The following ANKRD18A variants were observed in gnomAD, a reference collection of about 807,000 sequenced individuals.
ANKRD18A encodes the protein ankyrin repeat domain-containing protein 18A.
Under a neutral mutation model 110.6 loss-of-function variants are expected in ANKRD18A, and 72 were observed. The observed-to-expected ratio is 0.65, with a 90% confidence interval of 0.54 to 0.79. ANKRD18A has a LOEUF of 0.79. Among genes scored for constraint, ANKRD18A ranks in the 30% least tolerant of loss-of-function variants. The pLI is 0.00. For missense variants in ANKRD18A, 934 were observed against 1,163.3 expected (o/e 0.80, Z 2.87); for synonymous variants, 305 against 410.3 (o/e 0.74, Z 3.10).
In ANKRD18A at chr9:38,596,341, G is replaced by A; in HGVS notation, c.999C>T (p.Asp333=). 1 of 1,491,252 alleles carries A rather than the reference G, an allele frequency of 6.7e-7. No homozygotes were observed. Among genetic ancestry groups the A allele is most frequent in the Non-Finnish European group, 8.9e-7 (1 of 1,122,066 alleles). The allele number at this position is 1,491,252 out of a possible 1,614,324, so 92.4% of individuals were successfully genotyped here. Reference sequence around the variant, plus strand: ...ATAATTCCTCTTTGAGCATGGCAATGTCTTTCTTCAACATAAAATTTCCAT... The same window carrying A: ...ATAATTCCTCTTTGAGCATGGCAATATCTTTCTTCAACATAAAATTTCCAT... The part of the protein sequence containing the change: ...AMYGNFMLKK[D]IAMLKEELYA... The change falls in exon 9 of 16, where the codon GAC becomes GAT. Residue 333 remains aspartate (D), a synonymous_variant. Coordinates refer to ENST00000399703, the MANE Select transcript of ANKRD18A (RefSeq NM_147195.4).
At chr9:38,585,296 T>C (rs902706138) in intron 12 of ANKRD18A, among the ~76,000 whole-genome samples, 8 of 152,200 alleles carry the variant, frequency 5.3e-5, no homozygotes, top group South Asian at 4.1e-4. Context: ...TTATACCTAT[T>C]TCCAGTTTTA....
chr9:38,579,276 C>A (rs1824046238), intron 12 of ANKRD18A, among the ~76,000 whole-genome samples: 1 of 152,138 alleles, frequency 6.6e-6, no homozygotes, highest in Admixed American at 6.5e-5. Context: ...GGACATTAGT[C>A]TGCACAAAGA....
In ANKRD18A at chr9:38,580,831, C is replaced by A. The variant is rs532187276; in HGVS notation, c.2248-2683G>T. Among the ~76,000 whole-genome samples the A allele has an allele frequency of 6.3e-3, 954 of 150,758 alleles. 11 individuals are homozygous for A. The highest frequency in any genetic ancestry group is 0.022 in the African/African-American group (888 of 40,948). ...TGAATAGAATGCAGTAAAAGGGATACCATGTAGCTTCCCTATCTCAGACTG... is the reference window on the plus strand; with the variant it reads ...TGAATAGAATGCAGTAAAAGGGATAACATGTAGCTTCCCTATCTCAGACTG... On this transcript the variant is annotated intron_variant, in intron 12 of 15. Transcript: ENST00000399703.
intron 10 of ANKRD18A, among the ~76,000 whole-genome samples, chr9:38,593,548 A>G (rs1824746095): frequency 6.6e-6 from 1 of 152,226 alleles, no homozygotes; most frequent in South Asian, 2.1e-4. Flanking sequence ...CCAAGTGTAG[A>G]TATTATAAGA....
At chr9:38,575,395 G>C in intron 15 of ANKRD18A, 81 bp downstream of exon 15, 2 of 1,362,046 alleles carry the variant, frequency 1.5e-6, no homozygotes, top group Non-Finnish European at 9.9e-7. Context: ...TAAGTCAACA[G>C]AACTCAGTAT....
intron 3 of ANKRD18A, among the ~76,000 whole-genome samples, chr9:38,613,596 T>C (rs10115955): frequency 0.039 from 5,958 of 152,296 alleles, 364 homozygotes; most frequent in African/African-American, 0.13. Flanking sequence ...TTTTCCCAGA[T>C]TGTTCACCAA....
intron 3 of ANKRD18A, among the ~76,000 whole-genome samples, chr9:38,611,772 C>T (rs1002423939): frequency 1.3e-5 from 2 of 152,132 alleles, no homozygotes; most frequent in Non-Finnish European, 2.9e-5. Context: ...AACTATATTT[C>T]AAAGAGTAGT....
At chr9:38,574,056 T>A (rs1180860942) in intron 15 of ANKRD18A, among the ~76,000 whole-genome samples, 1 of 152,204 alleles carries the variant, frequency 6.6e-6, no homozygotes, top group Non-Finnish European at 1.5e-5. Context: ...CCTGGCCCAC[T>A]CTGTCCCTCC....
rs184392153 is a variant in ANKRD18A at position 38,600,536 on chromosome 9, T to C, written c.936+595A>G. Among the ~76,000 whole-genome samples, 1,246 of 152,312 alleles carry C rather than the reference T, an allele frequency of 8.2e-3. 14 individuals are homozygous for C. Among genetic ancestry groups the C allele is most frequent in the South Asian group, 0.043 (208 of 4,826 alleles). ...AAATTTTAATAGCATTTTCTACTTA[T>C]GTTAAAACAAGAAAGTTATTGTTTG... is the stretch of plus-strand genomic sequence containing the variant. On this transcript the variant is annotated intron_variant, in intron 8 of 15. Transcript: ENST00000399703.
At chr9:38,612,604 A>G (rs1587543148) in intron 3 of ANKRD18A, among the ~76,000 whole-genome samples, 1 of 145,904 alleles carries the variant, frequency 6.9e-6, no homozygotes, top group Admixed American at 7.3e-5. Context: ...TGCAAGCTCC[A>G]CCTCCCGAGT....
At chr9:38,566,845 G>T (rs1823496064), downstream of ANKRD18A, 1 of 152,216 alleles carries the variant, frequency 6.6e-6, no homozygotes, top group African/African-American at 2.4e-5. Context: ...GTCATGAGAA[G>T]TCACTCATGA....
intron 3 of ANKRD18A, among the ~76,000 whole-genome samples, chr9:38,611,577 C>T (rs1825624086): frequency 6.6e-6 from 1 of 152,206 alleles, no homozygotes; most frequent in South Asian, 2.1e-4. Context: ...TTGCTTCTAT[C>T]TCAGCATTTA....
At chr9:38,607,929 G>T (rs1825431389) in intron 5 of ANKRD18A, among the ~76,000 whole-genome samples, 1 of 152,180 alleles carries the variant, frequency 6.6e-6, no homozygotes, top group African/African-American at 2.4e-5. Context: ...AAATAGTAAA[G>T]CAATGGAAAA....
At chr9:38,608,839 A>G (rs1275269001) in intron 5 of ANKRD18A, among the ~76,000 whole-genome samples, 2 of 151,654 alleles carry the variant, frequency 1.3e-5, no homozygotes, top group Admixed American at 1.3e-4. Flanking sequence ...CCATTACTCT[A>G]TTGAAGGATA....
At chr9:38,598,497 T>A (rs527486277) in intron 8 of ANKRD18A, among the ~76,000 whole-genome samples, 2 of 152,196 alleles carry the variant, frequency 1.3e-5, no homozygotes, top group Non-Finnish European at 2.9e-5. Context: ...TAACTTATAA[T>A]AAGAGAAGCA....
At position 38,596,192 on chromosome 9, in the gene ANKRD18A, G is replaced by A; in HGVS notation, c.1148C>T (p.Thr383Ile). ...VRLNEKMITK[T>I]VARYSQQLND... ...AAGCTGTTGCGAATACCGGGCCACT[G>A]TTTTTGTTATCATTTTTTCATTGAG... The change falls in exon 9 of 16, where the codon ACA becomes ATA. Residue 383 changes from threonine to isoleucine, a missense_variant. Around this residue, in one of 4 missense-constraint regions of ANKRD18A, gnomAD observed 630 missense variants for 797.5 expected, o/e 0.79. Transcript: ENST00000399703. 1.3e-6 allele frequency: 2 copies of A among 1,538,034 alleles called. No individual in the cohort carries two copies. Among genetic ancestry groups the A allele is most frequent in the Non-Finnish European group, 1.8e-6 (2 of 1,141,776 alleles).
At chr9:38,578,913 TAAG>T (rs1448146682) in intron 12 of ANKRD18A, among the ~76,000 whole-genome samples, 2 of 152,118 alleles carry the variant, frequency 1.3e-5, no homozygotes, top group Non-Finnish European at 2.9e-5. Flanking sequence ...ATCCTGTAAA[TAAG>T]GATTCTGATG....
At chr9:38,576,333 C>T (rs927227393) in intron 14 of ANKRD18A, among the ~76,000 whole-genome samples, 14 of 152,178 alleles carry the variant, frequency 9.2e-5, no homozygotes, top group Non-Finnish European at 1.3e-4. Flanking sequence ...GGTTGGTGAT[C>T]AAAAAGAACT....
At chr9:38,606,289 T>C (rs1825351980) in intron 6 of ANKRD18A, among the ~76,000 whole-genome samples, 1 of 142,816 alleles carries the variant, frequency 7.0e-6, no homozygotes. Flanking sequence ...AGTTGACCCT[T>C]GAACAACAAG....
Sources: gnomAD v4.1 joint callset for allele counts (sites outside exome capture counted in the v4.1 genomes callset) on GRCh38, gnomAD v4.1.1 for gene constraint, gnomAD v4.1.1 regional missense constraint, MANE v1.5 for transcripts, NCBI Gene and HGNC (gene_info 2026-07-23, HGNC 2026-07-21) for gene names.